Variants in SAMD12 observed in about 807,000 individuals in gnomAD.
SAMD12 encodes sterile alpha motif domain containing 12.
In SAMD12, 9 loss-of-function variants were observed where a neutral mutation model predicts 15.0. The ratio of observed to expected loss-of-function variants is 0.60; its 90% CI spans 0.36 to 1.05. The LOEUF (loss-of-function observed/expected upper bound fraction) is 1.05, where lower values mean the gene tolerates loss of function less well. Among genes scored for constraint, SAMD12 ranks in the 50% least tolerant of loss-of-function variants. The pLI, the probability that SAMD12 is intolerant of heterozygous loss-of-function variation, is 0.01. For missense variants in SAMD12, 230 were observed against 234.2 expected (o/e 0.98, Z 0.12); for synonymous variants, 86 against 90.1 (o/e 0.96, Z 0.25).
chr8:118,231,887 T>C (rs1389908942), intron 4 of SAMD12, among the ~76,000 whole-genome samples: 2 of 151,688 alleles, frequency 1.3e-5, no homozygotes, highest in Non-Finnish European at 2.9e-5. Flanking sequence ...ACACTTCTAG[T>C]ACTGGTCTAA....
intron 2 of SAMD12, among the ~76,000 whole-genome samples, chr8:118,556,525 T>C (rs1047095161): frequency 6.6e-6 from 1 of 152,192 alleles, no homozygotes; most frequent in African/African-American, 2.4e-5. Flanking sequence ...ATAAGTAATT[T>C]TGGGGCTCCA....
intron 4 of SAMD12, among the ~76,000 whole-genome samples, chr8:118,345,125 T>A (rs528427128): frequency 1.8e-4 from 28 of 152,314 alleles, no homozygotes; most frequent in Admixed American, 8.5e-4. Flanking sequence ...TTATTTTTTA[T>A]CCTGCATTTA....
At chr8:118,524,362 A>G (rs557299833) in intron 2 of SAMD12, among the ~76,000 whole-genome samples, 10 of 152,272 alleles carry the variant, frequency 6.6e-5, no homozygotes, top group African/African-American at 1.9e-4. Flanking sequence ...TTTAGCATCT[A>G]GGACATGACT....
At chr8:118,286,397 G>C (rs1327269155) in intron 4 of SAMD12, among the ~76,000 whole-genome samples, 3 of 151,880 alleles carry the variant, frequency 2.0e-5, no homozygotes, top group African/African-American at 4.8e-5. Flanking sequence ...TTCTTTGTTG[G>C]GTCTTGTTCA....
chr8:118,354,754 A>T (rs2130612542), intron 4 of SAMD12, among the ~76,000 whole-genome samples: 2 of 152,344 alleles, frequency 1.3e-5, no homozygotes, highest in Middle Eastern at 6.8e-3. Flanking sequence ...GCACTTAATT[A>T]TATATGGCTC....
chr8:118,550,178 C>T (rs868759207), intron 2 of SAMD12, among the ~76,000 whole-genome samples: 49 of 152,220 alleles, frequency 3.2e-4, no homozygotes, highest in Admixed American at 3.9e-4. Context: ...ACACAGAGAA[C>T]GCCACAAAGA....
At chr8:118,574,438 T>C (rs1315096417) in intron 2 of SAMD12, among the ~76,000 whole-genome samples, 2 of 152,266 alleles carry the variant, frequency 1.3e-5, no homozygotes, top group African/African-American at 2.4e-5. Flanking sequence ...AGGTAGACTG[T>C]GTCACTGCTA....
At chr8:118,344,343 AC>A (rs1817521240) in intron 4 of SAMD12, among the ~76,000 whole-genome samples, 1 of 152,244 alleles carries the variant, frequency 6.6e-6, no homozygotes, top group Non-Finnish European at 1.5e-5. Context: ...TCGTAGGCCA[AC>A]TTCGTAAGAA....
intron 3 of SAMD12, among the ~76,000 whole-genome samples, chr8:118,427,489 T>G (rs984957308): frequency 5.9e-5 from 9 of 152,204 alleles, no homozygotes; most frequent in African/African-American, 1.9e-4. Context: ...ACCACTGATC[T>G]GACTGCTATC....
intron 2 of SAMD12, among the ~76,000 whole-genome samples, chr8:118,450,608 T>C (rs941230006): frequency 6.6e-6 from 1 of 152,330 alleles, no homozygotes; most frequent in South Asian, 2.1e-4. Context: ...ATCATCATCA[T>C]GTCATTTCTA....
intron 3 of SAMD12, among the ~76,000 whole-genome samples, chr8:118,438,571 AAC>A (rs1822643374): frequency 1.3e-5 from 2 of 152,222 alleles, no homozygotes; most frequent in South Asian, 4.2e-4. Flanking sequence ...GGCTCCATGA[AAC>A]ACACATAGAA....
chr8:118,139,832 A>T, the SAMD12 span, among the ~76,000 whole-genome samples: 1 of 152,216 alleles, frequency 6.6e-6, no homozygotes, highest in African/African-American at 2.4e-5. Flanking sequence ...GTTGGCTCTC[A>T]TTCAAACTCT....
intron 4 of SAMD12, among the ~76,000 whole-genome samples, chr8:118,369,927 T>C (rs747599133): frequency 6.6e-6 from 1 of 152,152 alleles, no homozygotes; most frequent in Non-Finnish European, 1.5e-5. Flanking sequence ...AAATGGGATC[T>C]AATTAAAGAG....
chr8:118,421,134 C>T (rs1821977320), intron 3 of SAMD12, among the ~76,000 whole-genome samples: 1 of 152,196 alleles, frequency 6.6e-6, no homozygotes, highest in African/African-American at 2.4e-5. Context: ...ATAACTTTCA[C>T]ACCTCAGGTT....
chr8:118,471,556 T>G (rs77685454), intron 2 of SAMD12, among the ~76,000 whole-genome samples: 1,710 of 152,206 alleles, frequency 0.011, 12 homozygotes, highest in Non-Finnish European at 0.017. Context: ...AAAAATCCCT[T>G]TGCAAAGCCA....
intron 1 of SAMD12, among the ~76,000 whole-genome samples, chr8:118,585,282 G>A (rs1827409585): frequency 6.6e-6 from 1 of 152,192 alleles, no homozygotes; most frequent in Non-Finnish European, 1.5e-5. Context: ...CACATGGGCT[G>A]TGGGAGAGAA....
At chr8:118,315,143 T>G (rs893881440) in intron 4 of SAMD12, among the ~76,000 whole-genome samples, 7 of 152,196 alleles carry the variant, frequency 4.6e-5, no homozygotes, top group African/African-American at 1.7e-4. Flanking sequence ...TGGTGTTTCA[T>G]TCTTATGGAG....
chr8:118,279,303 A>G (rs2130147043), intron 4 of SAMD12, among the ~76,000 whole-genome samples: 1 of 152,286 alleles, frequency 6.6e-6, no homozygotes, highest in Admixed American at 6.5e-5. Context: ...TACTTTAAAA[A>G]CTTTCTACTG....
intron 1 of SAMD12, among the ~76,000 whole-genome samples, chr8:118,609,210 A>G (rs1006070906): frequency 1.3e-5 from 2 of 152,214 alleles, no homozygotes; most frequent in Non-Finnish European, 2.9e-5. Flanking sequence ...TCAAGGAACA[A>G]AAGTTTGCAA....
Sources: gnomAD v4.1 joint callset for allele counts (sites outside exome capture counted in the v4.1 genomes callset) on GRCh38, gnomAD v4.1.1 for gene constraint, MANE v1.5 for transcripts, NCBI Gene and HGNC (gene_info 2026-07-23, HGNC 2026-07-21) for gene names.